Variants in TRAT1 observed in about 807,000 individuals in gnomAD.
TRAT1 encodes the protein T-cell receptor-associated transmembrane adapter 1.
Under a neutral mutation model 20.0 loss-of-function variants are expected in TRAT1, and 20 were observed. The ratio of observed to expected loss-of-function variants is 1.00; its 90% CI spans 0.70 to 1.45. The LOEUF (loss-of-function observed/expected upper bound fraction) is 1.45. Among genes scored for constraint, TRAT1 ranks in the 40% most tolerant of loss-of-function variants. The pLI is 0.00. For synonymous variants in TRAT1, 77 were observed against 74.2 expected (o/e 1.04, Z -0.20); for missense variants, 237 against 224.1 (o/e 1.06, Z -0.37).
chr3:108,824,835 G>C (rs1279916718), intron 1 of TRAT1, among the ~76,000 whole-genome samples: 2 of 152,192 alleles, frequency 1.3e-5, no homozygotes, highest in African/African-American at 4.8e-5. Context: ...AGCTGATGAT[G>C]ATGGGGAACT....
At chr3:108,844,499 G>C (rs2953351) in intron 3 of TRAT1, among the ~76,000 whole-genome samples, 1 of 145,472 alleles carries the variant, frequency 6.9e-6, no homozygotes, top group South Asian at 2.1e-4. Context: ...TTAAATAAAA[G>C]ACCTAATAAA....
chr3:108,849,394 G>T, intron 5 of TRAT1, 140 bp downstream of exon 5: 1 of 627,524 alleles, frequency 1.6e-6, no homozygotes, highest in Non-Finnish European at 2.8e-6. Context: ...TCTAACTCAG[G>T]GTCATGTAAA....
chr3:108,841,205 T>A (rs1945894235), intron 3 of TRAT1, among the ~76,000 whole-genome samples: 1 of 152,250 alleles, frequency 6.6e-6, no homozygotes, highest in Non-Finnish European at 1.5e-5. Flanking sequence ...AAGGCATGAA[T>A]CTTTCCCTTA....
rs978566004 is a variant in TRAT1 at position 108,854,992 on chromosome 3, T to C, written c.*1115T>C. The C allele has an allele frequency of 2.4e-4, 36 of 152,140 alleles. No homozygotes were observed. The highest frequency in any genetic ancestry group is 2.3e-3 in the Admixed American group (35 of 15,278). The allele number at this position is 152,140 out of a possible 1,614,324, so 9.4% of individuals were successfully genotyped here. On this transcript the variant is annotated 3_prime_UTR_variant, in exon 6 of 6. Coordinates refer to ENST00000295756, the MANE Select transcript of TRAT1 (RefSeq NM_016388.4). ...TACTGGTTCTAATTTGATTATAATA[T>C]GCCAAGGTATGGTTATTTTTCAAGT... is the stretch of plus-strand genomic sequence containing the variant.
chr3:108,822,945 T>C lies in TRAT1; in HGVS notation c.7+11T>C. 2 of 1,610,550 alleles carry C rather than the reference T, an allele frequency of 1.2e-6. No homozygotes were observed. Among genetic ancestry groups the C allele is most frequent in the South Asian group, 1.1e-5 (1 of 90,782 alleles). On this transcript the variant is annotated intron_variant, in intron 1 of 5. Transcript: ENST00000295756. ...AAAGAAGCATGTCAGGTAAGTGGCA[T>C]TTTAAACTTTTTGTTCCATTTGTGT... is the stretch of plus-strand genomic sequence containing the variant.
intron 3 of TRAT1, among the ~76,000 whole-genome samples, chr3:108,840,777 A>G (rs9861244): frequency 0.15 from 22,748 of 152,230 alleles, 1,881 homozygotes; most frequent in Non-Finnish European, 0.2. Flanking sequence ...CAAAACACAC[A>G]AACAATGAGT....
intron 5 of TRAT1, among the ~76,000 whole-genome samples, chr3:108,851,504 C>A (rs1945997890): frequency 6.6e-6 from 1 of 152,096 alleles, no homozygotes; most frequent in Non-Finnish European, 1.5e-5. Flanking sequence ...TATTCATGAT[C>A]TTGACCCTTT....
At chr3:108,831,007 G>T (rs1191512770) in intron 2 of TRAT1, among the ~76,000 whole-genome samples, 1 of 152,086 alleles carries the variant, frequency 6.6e-6, no homozygotes, top group African/African-American at 2.4e-5. Flanking sequence ...TCTTCTTTAG[G>T]GTGTAGAGTG....
chr3:108,830,961 T>C (rs1029961775), intron 2 of TRAT1, among the ~76,000 whole-genome samples, 181 bp downstream of exon 2: 3 of 152,252 alleles, frequency 2.0e-5, no homozygotes, highest in Non-Finnish European at 4.4e-5. Context: ...AATGCAATCA[T>C]ATTAGAAATG....
chr3:108,835,272 T>G (rs1199411674), intron 2 of TRAT1, among the ~76,000 whole-genome samples: 1 of 152,248 alleles, frequency 6.6e-6, no homozygotes, highest in South Asian at 2.1e-4. Context: ...CACAAGTGTT[T>G]GCATCTGAAT....
chr3:108,839,182 G>A (rs530239439), intron 3 of TRAT1: 5 of 524,684 alleles, frequency 9.5e-6, no homozygotes, highest in Non-Finnish European at 1.7e-5. Flanking sequence ...CAAGAAAGCT[G>A]GTTGAAGGAT....
intron 1 of TRAT1, among the ~76,000 whole-genome samples, chr3:108,826,375 T>C (rs1945739356): frequency 6.6e-6 from 1 of 152,162 alleles, no homozygotes. Flanking sequence ...CTGTTCATAA[T>C]AGACACATAA....
At chr3:108,835,005 A>C (rs1448470586) in intron 2 of TRAT1, among the ~76,000 whole-genome samples, 1 of 152,208 alleles carries the variant, frequency 6.6e-6, no homozygotes, top group East Asian at 1.9e-4. Context: ...CTTTAAATCC[A>C]AAAACTATTC....
rs373166266 is a variant in TRAT1 at position 108,853,720 on chromosome 3, A to T, written c.404A>T (p.Asp135Val). ...CAGAATACTCATTTCTCAGACAAGG[A>T]TGGAGATGAGCAACTACATGCAATA... is the stretch of plus-strand genomic sequence containing the variant. ...RKQNTHFSDK[D>V]GDEQLHAIDA... The change falls in exon 6 of 6, where the codon GAT (aspartate) becomes GTT (valine). Residue 135 changes from aspartate (D) to valine (V), a missense_variant. Physicochemically the swap from Asp to Val is radical, Grantham distance 152. Coordinates refer to ENST00000295756, the MANE Select transcript of TRAT1 (RefSeq NM_016388.4). 6.2e-7 allele frequency: 1 copy of T among 1,614,186 alleles called. No individual in the cohort carries two copies. Among genetic ancestry groups the T allele is most frequent in the African/African-American group, 1.3e-5 (1 of 75,062 alleles).
Position 108,849,231 on chromosome 3 carries a change from C to A in TRAT1, c.280C>A (p.Gln94Lys). The A allele has an allele frequency of 6.2e-7, 1 of 1,613,956 alleles. No individual in the cohort carries two copies. Among genetic ancestry groups the A allele is most frequent in the Non-Finnish European group, 8.5e-7 (1 of 1,179,928 alleles). ...ACCAGAGAAATCTGTAAATAAGATG[C>A]AGGAAGCCACCCCATCTGCACAGGT... ...ARPEKSVNKM[Q>K]EATPSAQATN... The change falls in exon 5 of 6, where the codon CAG (glutamine) becomes AAG (lysine). Residue 94 changes from glutamine (Q) to lysine (K), a missense_variant. By Grantham distance (53) the Gln-to-Lys change is moderately conservative (BLOSUM62 1). Coordinates refer to ENST00000295756, the MANE Select transcript of TRAT1 (RefSeq NM_016388.4).
chr3:108,835,109 A>T (rs537236518), intron 2 of TRAT1, among the ~76,000 whole-genome samples: 2 of 152,342 alleles, frequency 1.3e-5, no homozygotes, highest in African/African-American at 4.8e-5. Context: ...AAATTATGGC[A>T]TCTTCACATT....
At chr3:108,846,944 T>C in intron 3 of TRAT1, 124 bp from the exon 4 acceptor site, 1 of 661,174 alleles carries the variant, frequency 1.5e-6, no homozygotes, top group East Asian at 2.8e-5. Context: ...ACACCTACCG[T>C]GGTTGGCTGG....
intron 4 of TRAT1, among the ~76,000 whole-genome samples, chr3:108,848,779 T>C (rs1202606270): frequency 6.6e-6 from 1 of 152,250 alleles, no homozygotes; most frequent in Non-Finnish European, 1.5e-5. Flanking sequence ...GTATGTGCAC[T>C]GTGCTTTGTG....
At chr3:108,851,515 C>T (rs1361936357) in intron 5 of TRAT1, among the ~76,000 whole-genome samples, 1 of 152,048 alleles carries the variant, frequency 6.6e-6, no homozygotes, top group Non-Finnish European at 1.5e-5. Context: ...TTGACCCTTT[C>T]TCCTAATTAT....
Sources: allele counts gnomAD v4.1 joint callset (sites outside exome capture counted in the v4.1 genomes callset), GRCh38; gene constraint gnomAD v4.1.1; transcripts MANE v1.5; gene names NCBI Gene and HGNC (gene_info 2026-07-23, HGNC 2026-07-21).